DISP1: variants seen among roughly 807,000 people sequenced by gnomAD.
The protein encoded by DISP1 is protein dispatched homolog 1.
Under a neutral mutation model 37.3 loss-of-function variants are expected in DISP1, and 30 were observed. The ratio of observed to expected loss-of-function variants is 0.80; its 90% confidence interval spans 0.60 to 1.09. DISP1 has a LOEUF of 1.09. DISP1 is among the 50% of genes least tolerant of loss of function. DISP1 has a pLI of 0.00. For synonymous variants in DISP1, 634 were observed against 690.2 expected, an observed-to-expected ratio of 0.92 and a Z score of 1.28; for missense variants, 1,598 against 1,879.5, an observed-to-expected ratio of 0.85 and a Z score of 2.77.
At chr1:222,843,277 T>C (rs1667712039) in intron 1 of DISP1, among the ~76,000 whole-genome samples, 1 of 152,022 alleles carries the variant, frequency 6.6e-6, no homozygotes, top group South Asian at 2.1e-4. Flanking sequence ...TGGAAATCCT[T>C]TAAAGAATAA....
At position 223,002,545 on chromosome 1, in the gene DISP1, G is replaced by A. The variant is rs567212527; in HGVS notation, c.1148G>A (p.Arg383Gln). Residue 383 changes from arginine to glutamine, a missense_variant, in exon 9 of 9, where the codon CGG (arginine) becomes CAG (glutamine). Arg to Gln is a conservative substitution (Grantham distance 43, BLOSUM62 1). Coordinates refer to ENST00000675850, the MANE Select transcript of DISP1 (RefSeq NM_001377229.1). ...GTTTCTCATACCTTGAAGCTGCTTCGGACTTGTGCCAAACACTACCAAAAT... is the reference window on the plus strand; with the variant it reads ...GTTTCTCATACCTTGAAGCTGCTTCAGACTTGTGCCAAACACTACCAAAAT... Reference protein sequence around the residue: ...RDVSHTLKLLRTCAKHYQNGT... With the variant: ...RDVSHTLKLLQTCAKHYQNGT... 2.7e-5 allele frequency: 44 copies of A among 1,613,974 alleles called. No homozygotes were observed. Among genetic ancestry groups the A allele is most frequent in the Non-Finnish European group, 3.5e-5 (41 of 1,180,028 alleles).
intron 3 of DISP1, among the ~76,000 whole-genome samples, chr1:222,951,555 C>A (rs1675223517): frequency 1.1e-5 from 1 of 94,616 alleles, no homozygotes; most frequent in African/African-American, 4.3e-5. Context: ...ACTTCATCAA[C>A]ATTGTGGCAT....
intron 1 of DISP1, among the ~76,000 whole-genome samples, chr1:222,910,282 G>A (rs1672137548): frequency 6.6e-6 from 1 of 152,100 alleles, no homozygotes; most frequent in Admixed American, 6.6e-5. Flanking sequence ...AGAATCACCC[G>A]AGCTGGAGAA....
Position 223,002,619 on chromosome 1 carries a change from C to T in DISP1, c.1222C>T (p.Gln408Ter). The change falls in exon 9 of 9, where the codon CAG becomes TAG. Residue 408 changes from glutamine to a stop codon, truncating the protein, a stop_gained. Transcript: ENST00000675850. LOFTEE classifies it low-confidence loss of function (END_TRUNC). ...GGACATGGCAGCCAGAAGAAAGGAC[C>T]AGCTCAAGTGCACCAATGTGCCACG... The part of the protein sequence containing the change: ...CWDMAARRKD[Q>*]LKCTNVPRKC... The T allele has an allele frequency of 6.2e-7, 1 of 1,614,206 alleles. No homozygotes were observed. The highest frequency in any genetic ancestry group is 1.3e-5 in the African/African-American group (1 of 75,052).
intron 3 of DISP1, among the ~76,000 whole-genome samples, chr1:222,973,744 C>T (rs1167350871): frequency 6.6e-6 from 1 of 152,172 alleles, no homozygotes; most frequent in Non-Finnish European, 1.5e-5. Context: ...GGAAGCTCTT[C>T]CCATTTCTGC....
intron 2 of DISP1, among the ~76,000 whole-genome samples, chr1:222,928,851 G>A (rs964039002): frequency 2.6e-5 from 4 of 152,058 alleles, no homozygotes; most frequent in Non-Finnish European, 5.9e-5. Flanking sequence ...GAAGTTGGAA[G>A]GAAACCTAAG....
Position 223,004,369 on chromosome 1 carries a change from C to G in DISP1, c.2972C>G (p.Ser991Ter). 1 of 1,614,210 alleles carries G rather than the reference C, an allele frequency of 6.2e-7. No individual in the cohort carries two copies. ...GGCACCCTCATTGCCATGGGGCTGT[C>G]AGTTGCTGTTGCATTTAGCGTGATG... ...SDGTLIAMGL[S>*]VAVAFSVMLL... is the part of the protein sequence containing the mutation. Residue 991 changes from serine (S) to a stop codon, truncating the protein, a stop_gained, in exon 9 of 9, where the codon TCA becomes TGA. Coordinates refer to ENST00000675850, the MANE Select transcript of DISP1 (RefSeq NM_001377229.1). LOFTEE classifies it low-confidence loss of function (END_TRUNC). The surrounding 1 kb of genome is among the most constrained non-coding windows in gnomAD (Gnocchi z 4.9).
chr1:222,908,525 A>T (rs541384599), intron 1 of DISP1, among the ~76,000 whole-genome samples: 105 of 152,048 alleles, frequency 6.9e-4, no homozygotes, highest in African/African-American at 2.3e-3. Context: ...CCTCCCCAGT[A>T]TCTGGGATTA....
chr1:222,918,999 A>C (rs553635359), intron 1 of DISP1, among the ~76,000 whole-genome samples: 49 of 152,214 alleles, frequency 3.2e-4, no homozygotes, highest in Non-Finnish European at 5.7e-4. Context: ...GGTGCCCTCA[A>C]GATGTGTGCA....
At chr1:222,908,877 A>T (rs986626447) in intron 1 of DISP1, among the ~76,000 whole-genome samples, 2 of 152,092 alleles carry the variant, frequency 1.3e-5, no homozygotes, top group Non-Finnish European at 2.9e-5. Flanking sequence ...ATTAAAAAAA[A>T]AAAAGAATTC....
At chr1:222,868,226 A>G (rs952200282) in intron 1 of DISP1, among the ~76,000 whole-genome samples, 5 of 152,118 alleles carry the variant, frequency 3.3e-5, no homozygotes, top group African/African-American at 1.2e-4. Flanking sequence ...TCTTAAAAAA[A>G]AAAGACTCAA....
chr1:222,858,865 A>G (rs1337459173), intron 1 of DISP1, among the ~76,000 whole-genome samples: 1 of 152,172 alleles, frequency 6.6e-6, no homozygotes, highest in Non-Finnish European at 1.5e-5. Flanking sequence ...GACATAGGAA[A>G]AGTTTTACAC....
intron 2 of DISP1, among the ~76,000 whole-genome samples, chr1:222,936,812 A>T (rs1249192241): frequency 5.9e-4 from 23 of 39,224 alleles, no homozygotes; most frequent in East Asian, 2.9e-3. Context: ...ATATATATAA[A>T]TTATATATAA....
At chr1:222,913,800 C>A (rs1481019479) in intron 1 of DISP1, among the ~76,000 whole-genome samples, 1 of 151,644 alleles carries the variant, frequency 6.6e-6, no homozygotes, top group Non-Finnish European at 1.5e-5. Context: ...TAGTATTTAT[C>A]TTTGCAATAG....
intron 1 of DISP1, among the ~76,000 whole-genome samples, chr1:222,870,532 C>G (rs1182457687): frequency 2.6e-5 from 4 of 152,128 alleles, no homozygotes; most frequent in South Asian, 2.1e-4. Context: ...ACATTTCTCT[C>G]ATGGCCAGTG....
At chr1:222,885,495 A>G (rs1670542777) in intron 1 of DISP1, among the ~76,000 whole-genome samples, 1 of 144,846 alleles carries the variant, frequency 6.9e-6, no homozygotes, top group Non-Finnish European at 1.5e-5. Context: ...TTGAGACAAG[A>G]TCTCGCTCTG....
At chr1:222,943,394 G>T (rs1674528956) in intron 3 of DISP1, 62 bp downstream of exon 3, 1 of 1,606,634 alleles carries the variant, frequency 6.2e-7, no homozygotes, top group African/African-American at 1.3e-5. Flanking sequence ...ATGACAGCTT[G>T]TGTTTATTTT....
rs148594283 is a variant in DISP1 at position 222,822,907 on chromosome 1, T to C, written c.-159+7829T>C. 2.4e-3 allele frequency among the ~76,000 whole-genome samples: 370 copies of C among 152,298 alleles called. 2 individuals are homozygous for C. Among genetic ancestry groups the C allele is most frequent in the South Asian group, 0.021 (101 of 4,826 alleles). ...TGTCCATGCATTAAAATCATCAATTTCTCTTTCTTTTGTCCCTTAACCTCT... is the reference window on the plus strand; with the variant it reads ...TGTCCATGCATTAAAATCATCAATTCCTCTTTCTTTTGTCCCTTAACCTCT... On this transcript the variant is annotated intron_variant, in intron 1 of 8. Transcript: ENST00000675850.
rs575391513 is a variant in DISP1 at position 223,002,675 on chromosome 1, G to C, written c.1278G>C (p.Gln426His). The change falls in exon 9 of 9, where the codon CAG becomes CAC. Residue 426 changes from glutamine to histidine, a missense_variant. By Grantham distance (24) the Gln-to-His change is conservative. Transcript: ENST00000675850. ...GTACCAAGTACAATGCTGTGTACCA[G>C]ATCCTCCATTACTTGGTGGACAAAG... ...RKCTKYNAVY[Q>H]ILHYLVDKDF... 9 of 1,614,156 alleles carry C rather than the reference G, an allele frequency of 5.6e-6. No homozygotes were observed. Among genetic ancestry groups the C allele is most frequent in the South Asian group, 5.5e-5 (5 of 91,080 alleles).
Sources: allele counts gnomAD v4.1 joint callset (sites outside exome capture counted in the v4.1 genomes callset), GRCh38; gene constraint gnomAD v4.1.1; non-coding constraint Gnocchi (gnomAD v3.1); transcripts MANE v1.5; gene names NCBI Gene and HGNC (gene_info 2026-07-23, HGNC 2026-07-21).